Variants in NTM observed in about 807,000 individuals in gnomAD.
The protein encoded by NTM is neurotrimin, also known as IgLON family member 2.
A neutral mutation model predicts 42.1 loss-of-function variants in NTM; 13 were observed. The observed-to-expected ratio is 0.31, with a 90% CI of 0.20 to 0.49. The LOEUF is 0.49. Among genes scored for constraint, NTM ranks in the 20% least tolerant of loss-of-function variants. The probability of loss-of-function intolerance (pLI) is 0.99; values close to 1 mark genes in which losing one functional copy is unlikely to be tolerated. For synonymous variants in NTM, 187 were observed against 179.2 expected (o/e 1.04, Z -0.35); for missense variants, 373 against 452.8 (o/e 0.82, Z 1.60).
chr11:131,860,223 G>A (rs556446812), intron 1 of NTM, among the ~76,000 whole-genome samples: 3 of 152,286 alleles, frequency 2.0e-5, no homozygotes, highest in Admixed American at 6.5e-5. Flanking sequence ...TGACCATCTC[G>A]TGTTTGGAGG....
intron 4 of NTM, among the ~76,000 whole-genome samples, chr11:132,304,566 G>T (rs985537299): frequency 6.6e-6 from 1 of 152,124 alleles, no homozygotes; most frequent in Non-Finnish European, 1.5e-5. Context: ...GTTTTGGGGG[G>T]CTTGTTTGAG....
chr11:132,212,193 A>G (rs2082962106), intron 4 of NTM, 46 bp downstream of exon 4: 1 of 1,563,984 alleles, frequency 6.4e-7, no homozygotes, highest in East Asian at 2.3e-5. Context: ...TAAATGGGGG[A>G]ATTTTGGGCC....
At chr11:132,257,097 G>T (rs144062345) in intron 4 of NTM, among the ~76,000 whole-genome samples, 1 of 152,324 alleles carries the variant, frequency 6.6e-6, no homozygotes, top group African/African-American at 2.4e-5. Context: ...GCGCGCTCTG[G>T]CACCCAGGGG....
chr11:131,750,200 C>T (rs1203731892), intron 1 of NTM, among the ~76,000 whole-genome samples: 1 of 152,234 alleles, frequency 6.6e-6, no homozygotes, highest in East Asian at 1.9e-4. Flanking sequence ...AGAGAGAGAA[C>T]TCTTTTTATT....
chr11:131,581,854 G>A (rs2058440931), intron 1 of NTM, among the ~76,000 whole-genome samples: 2 of 152,062 alleles, frequency 1.3e-5, no homozygotes, highest in South Asian at 4.2e-4. Context: ...CTCTGCTGGT[G>A]CCCTGATTCT....
intron 2 of NTM, among the ~76,000 whole-genome samples, chr11:132,104,198 A>ACACAGC (rs1019725121): frequency 6.6e-6 from 1 of 152,174 alleles, no homozygotes; most frequent in Non-Finnish European, 1.5e-5. Context: ...GAGCTGGGGC[A>ACACAGC]TCTTTATGTC....
chr11:132,010,657 A>G (rs1461781638), intron 2 of NTM, among the ~76,000 whole-genome samples: 1 of 146,388 alleles, frequency 6.8e-6, no homozygotes, highest in African/African-American at 2.5e-5. Flanking sequence ...AGGCTCTAAT[A>G]TGAACTCTTT....
intron 1 of NTM, among the ~76,000 whole-genome samples, chr11:131,503,772 A>G (rs73572363): frequency 0.025 from 3,879 of 152,174 alleles, 180 homozygotes; most frequent in African/African-American, 0.089. Context: ...GGCCTCCTAA[A>G]GTGTTAGGAC....
intron 1 of NTM, among the ~76,000 whole-genome samples, chr11:131,658,164 C>T (rs566644949): frequency 1.1e-4 from 16 of 152,252 alleles, no homozygotes; most frequent in Non-Finnish European, 1.9e-4. Context: ...GATCTTAGTT[C>T]CATTTCTTCC....
chr11:131,980,942 G>T (rs2065134828), intron 2 of NTM, among the ~76,000 whole-genome samples: 1 of 152,178 alleles, frequency 6.6e-6, no homozygotes, highest in Non-Finnish European at 1.5e-5. Flanking sequence ...TGTTCCATCT[G>T]CCTATCCACC....
At chr11:131,666,397 T>C (rs1462784108) in intron 1 of NTM, among the ~76,000 whole-genome samples, 2 of 152,194 alleles carry the variant, frequency 1.3e-5, no homozygotes, top group African/African-American at 2.4e-5. Flanking sequence ...ATGGATTCAC[T>C]TCTAATGACT....
At chr11:131,851,385 C>T (rs2045520928) in intron 1 of NTM, among the ~76,000 whole-genome samples, 1 of 152,064 alleles carries the variant, frequency 6.6e-6, no homozygotes, top group Non-Finnish European at 1.5e-5. Context: ...TAAGTCAGCC[C>T]TCCCGCTAAT....
intron 1 of NTM, among the ~76,000 whole-genome samples, chr11:131,712,499 T>C (rs574701081): frequency 2.2e-4 from 33 of 152,360 alleles, no homozygotes; most frequent in African/African-American, 7.7e-4. Context: ...TGTGAGCAGT[T>C]ACCCATAACT....
chr11:131,741,590 A>G (rs11222763), intron 1 of NTM, among the ~76,000 whole-genome samples: 44,206 of 152,072 alleles, frequency 0.29, 8,289 homozygotes, highest in African/African-American at 0.53. Flanking sequence ...CTTCCATATT[A>G]GAAGCAATTT....
intron 1 of NTM, among the ~76,000 whole-genome samples, chr11:131,856,750 A>T (rs915690049): frequency 6.6e-6 from 1 of 152,220 alleles, no homozygotes; most frequent in Non-Finnish European, 1.5e-5. Flanking sequence ...TGAAAATTTT[A>T]AAATATGCCT....
chr11:132,091,102 T>C (rs775848257), intron 2 of NTM, among the ~76,000 whole-genome samples: 1 of 152,190 alleles, frequency 6.6e-6, no homozygotes, highest in Non-Finnish European at 1.5e-5. Context: ...AATTATTTTC[T>C]CTTCTGGACA....
intron 1 of NTM, among the ~76,000 whole-genome samples, chr11:131,761,102 T>C (rs1308074932): frequency 6.6e-6 from 1 of 152,128 alleles, no homozygotes; most frequent in Non-Finnish European, 1.5e-5. Flanking sequence ...GACAGAACTC[T>C]TGATGAAAAC....
chr11:132,062,913 G>A (rs1164744180), intron 2 of NTM, among the ~76,000 whole-genome samples: 2 of 152,298 alleles, frequency 1.3e-5, no homozygotes, highest in South Asian at 2.1e-4. Context: ...ATACCAGGCA[G>A]GATGGGTGGG....
intron 1 of NTM, among the ~76,000 whole-genome samples, chr11:131,492,047 T>A (rs1954855348): frequency 6.6e-6 from 1 of 152,190 alleles, no homozygotes; most frequent in Admixed American, 6.5e-5. Flanking sequence ...CATGGAGACA[T>A]TCAAGAATTT....
Sources: allele counts gnomAD v4.1 joint callset (sites outside exome capture counted in the v4.1 genomes callset), GRCh38; gene constraint gnomAD v4.1.1; transcripts MANE v1.5; gene names NCBI Gene and HGNC (gene_info 2026-07-23, HGNC 2026-07-21).